CFAP47: variants seen among roughly 807,000 people sequenced by gnomAD.
The protein encoded by CFAP47 is cilia- and flagella-associated protein 47.
In CFAP47, 29 loss-of-function variants were observed where a neutral mutation model predicts 148.1. The ratio of observed to expected loss-of-function variants is 0.20; its 90% CI spans 0.15 to 0.27. The LOEUF is 0.27. Ranked by LOEUF, CFAP47 falls within the 10% of genes least tolerant of loss-of-function variation. CFAP47 has a pLI of 1.00. For missense variants in CFAP47, 1,872 were observed against 1,697.5 expected (o/e 1.10, Z -1.81); for synonymous variants, 664 against 577.3 (o/e 1.15, Z -2.15).
chrX:35,987,557 G>T (rs776737367), intron 15 of CFAP47, among the ~76,000 whole-genome samples: 5 of 111,624 alleles, frequency 4.5e-5, no homozygotes, highest in Non-Finnish European at 9.4e-5. Flanking sequence ...TGTGGGGGTG[G>T]AATCTGCTGA....
chrX:36,068,221 C>G (rs1937676991), intron 27 of CFAP47, among the ~76,000 whole-genome samples: 1 of 112,000 alleles, frequency 8.9e-6, no homozygotes, highest in Non-Finnish European at 1.9e-5. Context: ...AGATCCCTGC[C>G]TCTGCATGCA....
intron 61 of CFAP47, among the ~76,000 whole-genome samples, chrX:36,364,568 A>G (rs1026977122): frequency 9.1e-6 from 1 of 110,058 alleles, no homozygotes; most frequent in African/African-American, 3.3e-5. Context: ...GACCTTACAG[A>G]CATAAAAAAG....
At chrX:36,257,491 C>A (rs782310495) in intron 49 of CFAP47, among the ~76,000 whole-genome samples, 1 of 107,173 alleles carries the variant, frequency 9.3e-6, no homozygotes, top group Non-Finnish European at 1.9e-5. Context: ...GTGGTGTGAA[C>A]ATGGCTTACT....
Position 36,353,643 on chromosome X carries a change from C to T in CFAP47, c.8813C>T (p.Pro2938Leu), listed in dbSNP as rs1281169418. The change falls in exon 60 of 64, where the codon CCA (proline) becomes CTA (leucine). Residue 2938 changes from proline (P) to leucine (L), a missense_variant. Physicochemically the swap from Pro to Leu is moderately conservative, Grantham distance 98. Transcript: ENST00000378653. ...GATCTGACAGAAGTTTTAGTGATTCCAAAAAGAAATTCACATAATTTTTGT... is the reference window on the plus strand; with the variant it reads ...GATCTGACAGAAGTTTTAGTGATTCTAAAAAGAAATTCACATAATTTTTGT... ...TPDLTEVLVIPKRNSHNFCED... is the reference protein window; with the variant it reads ...TPDLTEVLVILKRNSHNFCED... 1 of 1,158,114 alleles carries T rather than the reference C, an allele frequency of 8.6e-7. No individual in the cohort carries two copies. Among genetic ancestry groups the T allele is most frequent in the African/African-American group, 1.8e-5 (1 of 55,261 alleles).
At chrX:36,332,263 A>T (rs1282897032) in intron 57 of CFAP47, among the ~76,000 whole-genome samples, 2 of 105,811 alleles carry the variant, frequency 1.9e-5, no homozygotes, top group Admixed American at 1.0e-4. Context: ...GCCCTATCTG[A>T]TATGTCAAAA....
At chrX:36,011,313 C>G (rs1290970574) in intron 21 of CFAP47, among the ~76,000 whole-genome samples, 1 of 111,873 alleles carries the variant, frequency 8.9e-6, no homozygotes, top group East Asian at 2.8e-4. Flanking sequence ...TTTTTACTTA[C>G]CACTTGCACT....
chrX:36,023,408 C>T (rs1181542681), intron 22 of CFAP47, among the ~76,000 whole-genome samples: 1 of 111,531 alleles, frequency 9.0e-6, no homozygotes, highest in Middle Eastern at 4.2e-3. Context: ...TGTGTCAGAC[C>T]TGAAGCACAG....
chrX:36,172,569 G>A (rs1183267546), intron 39 of CFAP47, among the ~76,000 whole-genome samples: 1 of 110,520 alleles, frequency 9.0e-6, no homozygotes, highest in Non-Finnish European at 1.9e-5. Context: ...TGTGGTTTTT[G>A]TCTTTGGTTC....
chrX:36,086,008 A>G lies in CFAP47; in HGVS notation c.4916+470A>G, dbSNP rs1176115501. Reference sequence around the variant, plus strand: ...AAATCCATTTAGCTAAAAAGGGATGAAACCAACAAGCTTTATTTCTCAGAC... The same window carrying G: ...AAATCCATTTAGCTAAAAAGGGATGGAACCAACAAGCTTTATTTCTCAGAC... On this transcript the variant is annotated intron_variant, in intron 30 of 63. Transcript: ENST00000378653. Among the ~76,000 whole-genome samples the G allele has an allele frequency of 3.6e-5, 4 of 111,759 alleles. No homozygotes were observed. The South Asian group carries it at 1.1e-3, about 31-fold the overall frequency.
At chrX:36,090,472 C>T (rs774641045) in intron 30 of CFAP47, among the ~76,000 whole-genome samples, 10 of 111,437 alleles carry the variant, frequency 9.0e-5, no homozygotes, top group Non-Finnish European at 1.5e-4. Flanking sequence ...GCACAGCTCC[C>T]AGTAGTGTTG....
At chrX:36,364,438 T>TAATAAATA (rs56972655) in intron 61 of CFAP47, among the ~76,000 whole-genome samples, 12 of 99,101 alleles carry the variant, frequency 1.2e-4, no homozygotes, top group African/African-American at 1.5e-4. Context: ...CAGATTGTCC[T>TAATAAATA]AATAAATAAA....
chrX:36,078,541 G>T lies in CFAP47; in HGVS notation c.4691+5177G>T, dbSNP rs762686729. ...GGATTGCAACCCCTACTTTTTTTTT[G>T]TTTTCCATTTGCTTGGTAAATCTTC... On this transcript the variant is annotated intron_variant, in intron 29 of 63. Coordinates refer to ENST00000378653, the MANE Select transcript of CFAP47 (RefSeq NM_001304548.2). 9.1e-3 allele frequency among the ~76,000 whole-genome samples: 928 copies of T among 102,492 alleles called. 8 individuals are homozygous for T. Among genetic ancestry groups the T allele is most frequent in the African/African-American group, 0.034 (873 of 25,750 alleles). The allele number at this position is 102,492 out of a possible 115,157, so 89.0% of individuals were successfully genotyped here.
intron 39 of CFAP47, among the ~76,000 whole-genome samples, chrX:36,169,063 C>T (rs765202965): frequency 3.5e-4 from 39 of 110,918 alleles, no homozygotes; most frequent in African/African-American, 1.2e-3. Flanking sequence ...TTCATCAACT[C>T]GATTTCTTGC....
chrX:36,277,132 G>T (rs1317199227), intron 49 of CFAP47, among the ~76,000 whole-genome samples: 3 of 111,879 alleles, frequency 2.7e-5, no homozygotes, highest in Non-Finnish European at 5.6e-5. Context: ...AACTATAGAA[G>T]AAATTATTTA....
At chrX:36,355,885 G>A (rs1941781700) in intron 60 of CFAP47, among the ~76,000 whole-genome samples, 1 of 111,796 alleles carries the variant, frequency 8.9e-6, no homozygotes, top group African/African-American at 3.2e-5. Flanking sequence ...TGTAAAGGAA[G>A]GTAAATAAAT....
chrX:36,301,134 T>C lies in CFAP47; in HGVS notation c.7925T>C (p.Leu2642Ser). 8.6e-7 allele frequency: 1 copy of C among 1,159,324 alleles called. No homozygotes were observed. Among genetic ancestry groups the C allele is most frequent in the Non-Finnish European group, 1.2e-6 (1 of 866,427 alleles). ...TATTTACTGAAGTTAACTATTGAAT[T>C]ACCAAAACCAACCACAATGCCAGAA... The part of the protein sequence containing the change: ...FWYLLKLTIE[L>S]PKPTTMPEIQ... Residue 2642 changes from leucine to serine, a missense_variant, in exon 53 of 64, where the codon TTA (leucine) becomes TCA (serine). Coordinates refer to ENST00000378653, the MANE Select transcript of CFAP47 (RefSeq NM_001304548.2).
At chrX:36,084,645 A>G (rs1259261749) in intron 29 of CFAP47, among the ~76,000 whole-genome samples, 1 of 111,907 alleles carries the variant, frequency 8.9e-6, no homozygotes, top group Non-Finnish European at 1.9e-5. Flanking sequence ...TATAGACAGC[A>G]AGAATAGTGG....
chrX:36,134,882 A>C (rs181482491), intron 33 of CFAP47, among the ~76,000 whole-genome samples: 9 of 111,305 alleles, frequency 8.1e-5, no homozygotes, highest in Non-Finnish European at 1.7e-4. Flanking sequence ...ACAACAAGAA[A>C]ATAAACAACC....
At chrX:36,376,381 A>T (rs1007282961) in intron 62 of CFAP47, among the ~76,000 whole-genome samples, 3 of 111,748 alleles carry the variant, frequency 2.7e-5, no homozygotes, top group Non-Finnish European at 5.6e-5. Context: ...GTCCTCAGAA[A>T]TCTAGAGCAT....
Sources: gnomAD v4.1 joint callset for allele counts (sites outside exome capture counted in the v4.1 genomes callset) on GRCh38, gnomAD v4.1.1 for gene constraint, MANE v1.5 for transcripts, NCBI Gene and HGNC (gene_info 2026-07-23, HGNC 2026-07-21) for gene names.